ERICH1: variants seen among roughly 807,000 people sequenced by gnomAD.
ERICH1 encodes the protein glutamate-rich protein 1.
A neutral mutation model predicts 39.6 loss-of-function variants in ERICH1; 56 were observed. The observed-to-expected ratio is 1.41, with a 90% confidence interval of 1.14 to 1.77. ERICH1 has a LOEUF of 1.77. Among genes scored for constraint, ERICH1 ranks in the 40% most tolerant of loss-of-function variants. The pLI is 0.00. For synonymous variants in ERICH1, 313 were observed against 223.6 expected, an observed-to-expected ratio of 1.40 and a Z score of -3.57; for missense variants, 826 against 575.4, an observed-to-expected ratio of 1.44 and a Z score of -4.45.
Position 707,593 on chromosome 8 carries a change from A to C in ERICH1, c.169+8268T>G, listed in dbSNP as rs76924137. ...GGTGTTAAGACAATTGGATATCCAC[A>C]TGCAAAGGAATGAAGTTGGAACTCT... is the stretch of plus-strand genomic sequence containing the variant. On this transcript the variant is annotated intron_variant, in intron 2 of 5. Coordinates refer to ENST00000262109, the MANE Select transcript of ERICH1 (RefSeq NM_207332.3). Among the ~76,000 whole-genome samples, 21 of 152,274 alleles carry C rather than the reference A, an allele frequency of 1.4e-4. No individual in the cohort carries two copies. The East Asian group carries it at 3.9e-3, about 28-fold the overall frequency.
At chr8:692,354 T>A in intron 3 of ERICH1, 124 bp downstream of exon 3, 2 of 1,368,950 alleles carry the variant, frequency 1.5e-6, no homozygotes, top group Non-Finnish European at 2.0e-6. Context: ...CATTATACAG[T>A]GTAACAACAT....
intron 3 of ERICH1, among the ~76,000 whole-genome samples, chr8:676,483 A>T (rs1244505725): frequency 7.5e-6 from 1 of 134,086 alleles, no homozygotes; most frequent in Non-Finnish European, 1.6e-5. Flanking sequence ...CGGCGAGGAC[A>T]GAGACGCGGC....
At chr8:694,110 T>C (rs1039630058) in intron 2 of ERICH1, among the ~76,000 whole-genome samples, 3 of 152,244 alleles carry the variant, frequency 2.0e-5, no homozygotes, top group Non-Finnish European at 4.4e-5. Flanking sequence ...TGACAGGTAT[T>C]GAGCAAAATC....
chr8:680,684 C>T (rs1026132723), intron 3 of ERICH1, among the ~76,000 whole-genome samples: 1 of 152,220 alleles, frequency 6.6e-6, no homozygotes, highest in Non-Finnish European at 1.5e-5. Flanking sequence ...CCAAGAGAAT[C>T]CACAGCTGCC....
At chr8:617,300 C>T (rs921185297) in intron 3 of ERICH1, among the ~76,000 whole-genome samples, 3 of 152,192 alleles carry the variant, frequency 2.0e-5, no homozygotes, top group African/African-American at 7.2e-5. Context: ...CAGGGCAGCT[C>T]AGAGGATGCC....
chr8:700,173 C>CCGCACACG lies in ERICH1; in HGVS notation c.170-7562_170-7561insCGTGTGCG, dbSNP rs1563297741. Among the ~76,000 whole-genome samples, 21 of 68,466 alleles carry CCGCACACG rather than the reference C, an allele frequency of 3.1e-4. 2 individuals carry two copies. The highest frequency in any genetic ancestry group is 5.8e-4 in the South Asian group (1 of 1,736). 44.9% of individuals were successfully genotyped at this position (68,466 alleles called of 152,430 possible). A position where few individuals can be genotyped will look rare whatever the true frequency, so the allele number is the denominator to read the frequency against. ...CACAGACCCGCACACGCGCACAGGC[C>CCGCACACG]CGCACAGGCCCGCACACGCGCACAG... On this transcript the variant is annotated intron_variant, in intron 2 of 5. Transcript: ENST00000262109.
chr8:697,744 A>T (rs1480996203), intron 2 of ERICH1, among the ~76,000 whole-genome samples: 2 of 139,866 alleles, frequency 1.4e-5, no homozygotes, highest in African/African-American at 5.3e-5. Flanking sequence ...GAGGGGAGGG[A>T]CTTCAGCTGT....
chr8:721,815 G>C (rs568162500), intron 1 of ERICH1, among the ~76,000 whole-genome samples: 146 of 152,280 alleles, frequency 9.6e-4, no homozygotes, highest in Non-Finnish European at 1.3e-3. Flanking sequence ...TGTCATTTTT[G>C]GTTTGTTGAA....
At chr8:694,057 G>A (rs1056881704) in intron 2 of ERICH1, among the ~76,000 whole-genome samples, 1 of 152,178 alleles carries the variant, frequency 6.6e-6, no homozygotes, top group African/African-American at 2.4e-5. Flanking sequence ...CATCCCAGCT[G>A]GGCTTTTACC....
At chr8:652,867 A>G (rs1800151603) in intron 3 of ERICH1, among the ~76,000 whole-genome samples, 1 of 152,254 alleles carries the variant, frequency 6.6e-6, no homozygotes, top group Non-Finnish European at 1.5e-5. Context: ...ACCACTAATC[A>G]GCAAGGAAAT....
intron 2 of ERICH1, among the ~76,000 whole-genome samples, chr8:704,425 C>G (rs1467429657): frequency 6.6e-6 from 1 of 152,112 alleles, no homozygotes; most frequent in Non-Finnish European, 1.5e-5. Context: ...AGAACAAGGA[C>G]AGGGAGGTGA....
At chr8:705,436 T>C (rs948825221) in intron 2 of ERICH1, among the ~76,000 whole-genome samples, 2 of 152,234 alleles carry the variant, frequency 1.3e-5, no homozygotes, top group African/African-American at 4.8e-5. Context: ...TATAACATTT[T>C]TCCTTTAACA....
intron 2 of ERICH1, among the ~76,000 whole-genome samples, chr8:708,704 T>TTTTTTTTTTTTTGTTTTTTTTTTTA: frequency 9.0e-6 from 1 of 111,298 alleles, no homozygotes; most frequent in Non-Finnish European, 1.8e-5. Context: ...TTTTTTTTTT[T>TTTTTTTTTTTTTGTTTTTTTTTTTA]TTTTTTTGAG....
intron 1 of ERICH1, among the ~76,000 whole-genome samples, chr8:729,105 G>C (rs1819441230): frequency 6.6e-6 from 1 of 152,190 alleles, no homozygotes; most frequent in South Asian, 2.1e-4. Flanking sequence ...ACTTAGCTCG[G>C]GGAGGGAGGG....
chr8:628,508 CTTGG>C (rs2117080933), intron 3 of ERICH1, among the ~76,000 whole-genome samples: 1 of 152,372 alleles, frequency 6.6e-6, no homozygotes, highest in South Asian at 2.1e-4. Context: ...AGCTGGCGAC[CTTGG>C]CCAGGCCGAT....
chr8:700,326 GGCCCGC>G (rs1811699987), intron 2 of ERICH1, among the ~76,000 whole-genome samples: 1 of 98,318 alleles, frequency 1.0e-5, no homozygotes, highest in Non-Finnish European at 2.2e-5. Context: ...CACGCGCACA[GGCCCGC>G]ACACGCGCAC....
intron 3 of ERICH1, among the ~76,000 whole-genome samples, chr8:687,276 G>A (rs1807639259): frequency 6.6e-6 from 1 of 152,204 alleles, no homozygotes; most frequent in Non-Finnish European, 1.5e-5. Context: ...CTTGTGATTA[G>A]GAACCGGGGA....
Position 674,052 on chromosome 8 carries a change from T to TA in ERICH1, c.305-6dup, listed in dbSNP as rs768939457. On this transcript the variant is annotated splice_region_variant and splice_polypyrimidine_tract_variant and intron_variant, in intron 3 of 5. Coordinates refer to ENST00000262109, the MANE Select transcript of ERICH1 (RefSeq NM_207332.3). ...GCTGGTCATGAGGATCCTGATCTGT[T>TA]AAAAAAATTCAAATATAACAATTTT... is the stretch of plus-strand genomic sequence containing the variant. 12 of 1,528,038 alleles carry TA rather than the reference T, an allele frequency of 7.9e-6. No homozygotes were observed. The highest frequency in any genetic ancestry group is 4.7e-5 in the Admixed American group (2 of 42,472). The allele number at this position is 1,528,038 out of a possible 1,614,324, so 94.7% of individuals were successfully genotyped here.
intron 2 of ERICH1, among the ~76,000 whole-genome samples, chr8:699,614 G>A (rs1245101135): frequency 2.0e-5 from 3 of 152,124 alleles, no homozygotes; most frequent in African/African-American, 7.2e-5. Flanking sequence ...ATTTAAACAA[G>A]CTCCAGCATC....
Sources: gnomAD v4.1 joint callset for allele counts (sites outside exome capture counted in the v4.1 genomes callset) on GRCh38, gnomAD v4.1.1 for gene constraint, MANE v1.5 for transcripts, NCBI Gene and HGNC (gene_info 2026-07-23, HGNC 2026-07-21) for gene names.